Variants in SCUBE2 observed in about 807,000 individuals in gnomAD.
SCUBE2 encodes the protein signal peptide, CUB domain and EGF like domain containing 2.
A neutral mutation model predicts 125.9 loss-of-function variants in SCUBE2; 114 were observed. The ratio of observed to expected loss-of-function variants is 0.91; its 90% CI spans 0.78 to 1.06. The LOEUF (loss-of-function observed/expected upper bound fraction) is 1.06, where lower values mean the gene tolerates loss of function less well. Ranked by LOEUF, SCUBE2 falls within the 50% of genes least tolerant of loss-of-function variation. SCUBE2 has a pLI of 0.00. For synonymous variants in SCUBE2, 459 were observed against 492.9 expected (o/e 0.93, Z 0.91); for missense variants, 1,255 against 1,301.8 (o/e 0.96, Z 0.55).
chr11:9,045,610 G>GACACACAC (rs72142315), intron 16 of SCUBE2, among the ~76,000 whole-genome samples: 37 of 99,230 alleles, frequency 3.7e-4, no homozygotes, highest in African/African-American at 1.0e-3. Context: ...CAGACAGACA[G>GACACACAC]ACACACACAC....
intron 10 of SCUBE2, among the ~76,000 whole-genome samples, chr11:9,054,735 T>A (rs1407508855): frequency 1.3e-3 from 114 of 86,044 alleles, no homozygotes; most frequent in Middle Eastern, 6.0e-3. Flanking sequence ...ATTTTTTTTT[T>A]TTTTTTTTTT....
In SCUBE2 at chr11:9,052,807, G is replaced by T. The variant is rs1858554977; in HGVS notation, c.1473C>A (p.Thr491=). 1 of 1,537,006 alleles carries T rather than the reference G, an allele frequency of 6.5e-7. No individual in the cohort carries two copies. The highest frequency in any genetic ancestry group is 2.0e-5 in the Admixed American group (1 of 50,986). ...TCCTGAGAGGAGAGGAAGAGCCACA[G>T]GTGACAGAGTAGGCCCCTTGCAGTC... is the stretch of plus-strand genomic sequence containing the variant. ...SSGLQGAYSV[T]CGSSSPLRNK... Residue 491 remains threonine (T), a synonymous_variant, in exon 13 of 23, where the codon ACC becomes ACA. Transcript: ENST00000649792.
At position 9,021,088 on chromosome 11, in the gene SCUBE2, A is replaced by T. The variant is rs748247189; in HGVS notation, c.3044T>A (p.Leu1015Ter). 6.8e-6 allele frequency: 11 copies of T among 1,613,722 alleles called. No homozygotes were observed. Among genetic ancestry groups the T allele is most frequent in the Admixed American group, 1.7e-5 (1 of 59,968 alleles). The change falls in exon 23 of 23, where the codon TTG becomes TAG. Residue 1015 changes from leucine (L) to a stop codon, truncating the protein, a stop_gained. Transcript: ENST00000649792. LOFTEE classifies it high-confidence loss of function. ...AAACCTGGACACTTTGGAACGTAGC[A>T]ATCGGATGAACGATCTTGGAAACAT... is the stretch of plus-strand genomic sequence containing the variant. ...REMFPRSFIR[L>*]LRSKVSRFLR...
chr11:9,052,278 G>A (rs1191728219), intron 13 of SCUBE2, among the ~76,000 whole-genome samples: 6 of 152,224 alleles, frequency 3.9e-5, no homozygotes, highest in African/African-American at 1.2e-4. Context: ...TGACAAAGGC[G>A]TCTATATCCG....
intron 12 of SCUBE2, 37 bp downstream of exon 12, chr11:9,053,062 G>T: frequency 6.4e-7 from 1 of 1,564,320 alleles, no homozygotes; most frequent in Non-Finnish European, 8.8e-7. Flanking sequence ...CCTGGCCCCA[G>T]TGTGAGGACC....
chr11:9,024,219 C>T (rs78492776), intron 21 of SCUBE2: 34,789 of 1,094,588 alleles, frequency 0.032, 614 homozygotes, highest in Non-Finnish European at 0.036. Context: ...TGAGAACAGC[C>T]ATATTTATTT....
At chr11:9,033,159 T>A (rs761440454) in intron 17 of SCUBE2, among the ~76,000 whole-genome samples, 3 of 152,188 alleles carry the variant, frequency 2.0e-5, no homozygotes, top group Non-Finnish European at 4.4e-5. Context: ...TAACATTTTA[T>A]AAGAGATAAT....
rs1248853908 is a variant in SCUBE2, at chr11:9,091,410, G to A, written c.119C>T (p.Ala40Val). 2 of 1,309,772 alleles carry A rather than the reference G, an allele frequency of 1.5e-6. No individual in the cohort carries two copies. The highest frequency in any genetic ancestry group is 9.7e-7 in the Non-Finnish European group (1 of 1,035,006). 81.1% of individuals were successfully genotyped at this position (1,309,772 alleles called of 1,614,324 possible). A position where few individuals can be genotyped will look rare whatever the true frequency, so the allele number is the denominator to read the frequency against. The change falls in exon 1 of 23, where the codon GCG becomes GTG. Residue 40 changes from alanine (A) to valine (V), a missense_variant. Transcript: ENST00000649792. This position sits in a 1 kb window ranked among gnomAD's most constrained non-coding sequence, Gnocchi z 8.5. Reference sequence around the variant, plus strand: ...CGGACACTCACCCTCCTGCGGCCCCGCGGCACGGCCCCGACCCGGCGGGAC... The same window carrying A: ...CGGACACTCACCCTCCTGCGGCCCCACGGCACGGCCCCGACCCGGCGGGAC... ...GAVPPGRGRA[A>V]GPQEDVDECA...
chr11:9,060,954 C>T (rs954559615), intron 7 of SCUBE2, among the ~76,000 whole-genome samples: 12 of 152,170 alleles, frequency 7.9e-5, no homozygotes, highest in Admixed American at 2.6e-4. Context: ...GGGTAAGCAT[C>T]GCCGCCCCAA....
chr11:9,040,297 A>C (rs1479282701), intron 16 of SCUBE2, among the ~76,000 whole-genome samples: 2 of 152,244 alleles, frequency 1.3e-5, no homozygotes, highest in African/African-American at 2.4e-5. Flanking sequence ...CAATTATCAC[A>C]ACATATTATA....
chr11:9,076,257 C>T (rs1337767700), intron 3 of SCUBE2, among the ~76,000 whole-genome samples: 1 of 151,984 alleles, frequency 6.6e-6, no homozygotes, highest in Non-Finnish European at 1.5e-5. Context: ...GTCCCAAGAG[C>T]CTCCAGGGAA....
At chr11:9,074,348 G>A in intron 4 of SCUBE2, 133 bp downstream of exon 4, 2 of 1,118,482 alleles carry the variant, frequency 1.8e-6, no homozygotes, top group South Asian at 1.7e-5. Context: ...CGGCAGTGGA[G>A]TCTGGACTCG....
At chr11:9,084,784 C>T (rs1231257982) in intron 2 of SCUBE2, among the ~76,000 whole-genome samples, 3 of 152,210 alleles carry the variant, frequency 2.0e-5, no homozygotes, top group Admixed American at 2.0e-4. Flanking sequence ...CATTTTGTCA[C>T]CCAGGCTGGA....
intron 2 of SCUBE2, 100 bp downstream of exon 2, chr11:9,089,607 G>A: frequency 7.5e-7 from 1 of 1,332,384 alleles, no homozygotes; most frequent in Non-Finnish European, 1.0e-6. Context: ...GGGAAAGGGA[G>A]AGGAGGGGCA....
intron 20 of SCUBE2, 99 bp from the exon 21 acceptor site, chr11:9,025,953 G>A: frequency 1.6e-6 from 2 of 1,288,434 alleles, no homozygotes; most frequent in Admixed American, 2.3e-5. Flanking sequence ...CATACAATAA[G>A]TTATGCTCAA....
intron 17 of SCUBE2, chr11:9,031,353 C>T (rs1260391195): frequency 6.5e-6 from 1 of 153,262 alleles, no homozygotes; most frequent in Non-Finnish European, 1.5e-5. Context: ...GTGATCCGGG[C>T]TGGGCTTGAT....
chr11:9,033,511 C>G (rs1361537660), intron 17 of SCUBE2, 115 bp downstream of exon 17: 2 of 1,254,102 alleles, frequency 1.6e-6, no homozygotes, highest in Non-Finnish European at 2.2e-6. Flanking sequence ...AACGTGGTCC[C>G]TGCTTGTAGG....
chr11:9,066,634 G>A, intron 6 of SCUBE2, 63 bp downstream of exon 6: 2 of 1,297,494 alleles, frequency 1.5e-6, no homozygotes, highest in Non-Finnish European at 2.2e-6. Context: ...CACCATTAAG[G>A]GGTAGGGGTA....
chr11:9,033,770 C>CATA lies in SCUBE2; in HGVS notation c.2026_2028dup (p.Tyr676dup). On this transcript the variant is annotated inframe_insertion, in exon 17 of 23. Transcript: ENST00000649792. ...AAAATGCAGCGTTCTCGTGCTCCAT[C>CATA]ATAATAGGTCCCAGCCCTGCAACTG... 1 of 1,614,146 alleles carries CATA rather than the reference C, an allele frequency of 6.2e-7. No homozygotes were observed. Among genetic ancestry groups the CATA allele is most frequent in the South Asian group, 1.1e-5 (1 of 91,080 alleles).
Sources: gnomAD v4.1 joint callset for allele counts (sites outside exome capture counted in the v4.1 genomes callset) on GRCh38, gnomAD v4.1.1 for gene constraint, Gnocchi (gnomAD v3.1) non-coding constraint, MANE v1.5 for transcripts, NCBI Gene and HGNC (gene_info 2026-07-23, HGNC 2026-07-21) for gene names.